Variants in LRIF1 observed in about 807,000 individuals in gnomAD.
LRIF1 encodes ligand dependent nuclear receptor interacting factor 1.
LRIF1 carries 32 observed loss-of-function variants against 52.7 expected under a neutral mutation model. That is an observed-to-expected ratio of 0.61 (90% CI 0.46 to 0.82). The LOEUF is 0.82. Among genes scored for constraint, LRIF1 ranks in the 40% least tolerant of loss-of-function variants. LRIF1 has a pLI of 0.00. For missense variants in LRIF1, 887 were observed against 892.0 expected, an observed-to-expected ratio of 0.99 and a Z score of 0.07; for synonymous variants, 323 against 317.4, an observed-to-expected ratio of 1.02 and a Z score of -0.19.
chr1:110,947,474 A>T lies in LRIF1; in HGVS notation c.*485T>A, dbSNP rs1169801464. ...CATATTATTTCACGACATTAAAAAA[A>T]ACAATGGTGAATACAAGGTATCATC... On this transcript the variant is annotated 3_prime_UTR_variant, in exon 4 of 4. Transcript: ENST00000369763. The T allele has an allele frequency of 6.6e-6, 1 of 152,432 alleles. No individual in the cohort carries two copies. The highest frequency in any genetic ancestry group is 1.5e-5 in the Non-Finnish European group (1 of 68,202). 9.4% of individuals were successfully genotyped at this position (152,432 alleles called of 1,614,324 possible). A position where few individuals can be genotyped will look rare whatever the true frequency, so the allele number is the denominator to read the frequency against.
chr1:110,949,475 A>C (rs1658368089), intron 3 of LRIF1, among the ~76,000 whole-genome samples: 1 of 149,144 alleles, frequency 6.7e-6, no homozygotes, highest in Non-Finnish European at 1.5e-5. Context: ...GCTGGAGTGC[A>C]ATGGTGCGAT....
chr1:110,885,182 T>C, the LRIF1 span, among the ~76,000 whole-genome samples: 13 of 152,328 alleles, frequency 8.5e-5, no homozygotes, highest in African/African-American at 2.9e-4. Flanking sequence ...ATTATTATCA[T>C]AAAGTTTACT....
the LRIF1 span, chr1:110,892,833 G>A: frequency 3.9e-6 from 1 of 254,340 alleles, no homozygotes; most frequent in Admixed American, 4.9e-5. Flanking sequence ...ATGTCTGGAT[G>A]AAATCAGGTG....
chr1:110,906,936 T>A, the LRIF1 span, among the ~76,000 whole-genome samples: 1 of 152,246 alleles, frequency 6.6e-6, no homozygotes, highest in East Asian at 1.9e-4. Context: ...ATTTTAAGGT[T>A]ATTACAATAG....
At chr1:110,880,583 T>C in the LRIF1 span, among the ~76,000 whole-genome samples, 1 of 152,158 alleles carries the variant, frequency 6.6e-6, no homozygotes, top group Admixed American at 6.5e-5. Context: ...TTCCTTTCTG[T>C]TACTGATGGG....
downstream of LRIF1, among the ~76,000 whole-genome samples, chr1:110,943,107 T>C (rs1310513594): frequency 7.9e-5 from 12 of 152,086 alleles, no homozygotes; most frequent in Admixed American, 5.9e-4. Context: ...GAAGAACAAA[T>C]TGCAGTGAAG....
intron 1 of LRIF1, among the ~76,000 whole-genome samples, chr1:110,958,886 C>T (rs936376554): frequency 6.6e-6 from 1 of 152,098 alleles, no homozygotes; most frequent in Non-Finnish European, 1.5e-5. Context: ...TTCTTGGCAA[C>T]AAAATGTAAT....
In LRIF1 at chr1:110,952,287, T is replaced by A. The variant is rs762176884; in HGVS notation, c.597A>T (p.Ser199=). ...AHAEVKSVPA[S]SLPPSVQQKI... is the part of the protein sequence containing the mutation. ...TTTGCTGCACTGAAGGAGGCAATGA[T>A]GACGCTGGTACAGATTTCACTTCAG... The change falls in exon 2 of 4, where the codon TCA becomes TCT. Residue 199 remains serine, a synonymous_variant. Coordinates refer to ENST00000369763, the MANE Select transcript of LRIF1 (RefSeq NM_018372.4). The A allele has an allele frequency of 1.2e-6, 2 of 1,614,184 alleles. No individual in the cohort carries two copies. Among genetic ancestry groups the A allele is most frequent in the Non-Finnish European group, 8.5e-7 (1 of 1,180,024 alleles).
chr1:110,963,384 GA>G (rs1659047706), intron 1 of LRIF1: 1 of 329,584 alleles, frequency 3.0e-6, no homozygotes, highest in South Asian at 7.3e-5. Context: ...TATTAAACTT[GA>G]GACGCTGGGG....
the LRIF1 span, among the ~76,000 whole-genome samples, chr1:110,880,946 G>T: frequency 6.6e-6 from 1 of 152,118 alleles, no homozygotes; most frequent in Non-Finnish European, 1.5e-5. Context: ...TAACTAACCA[G>T]AATAAGAGGC....
the LRIF1 span, chr1:110,892,319 G>A: frequency 2.5e-6 from 4 of 1,593,448 alleles, no homozygotes; most frequent in Non-Finnish European, 2.6e-6. Context: ...TTTTGCTTCA[G>A]GATGTTGTGG....
chr1:110,930,670 G>T, the LRIF1 span, among the ~76,000 whole-genome samples: 1 of 152,072 alleles, frequency 6.6e-6, no homozygotes, highest in South Asian at 2.1e-4. Flanking sequence ...GGGGGTTAAT[G>T]CTTCAATCTA....
rs1325203712 is a variant in LRIF1, at chr1:110,948,238, T to C, written c.2031A>G (p.Gln677=). 1.2e-6 allele frequency: 2 copies of C among 1,614,012 alleles called. No individual in the cohort carries two copies. Among genetic ancestry groups the C allele is most frequent in the African/African-American group, 1.3e-5 (1 of 74,922 alleles). Residue 677 remains glutamine, a synonymous_variant, in exon 4 of 4, where the codon CAA becomes CAG. Transcript: ENST00000369763. ...SSILPTSDVS[Q]HNILTSHSKT... The stretch of plus-strand genomic sequence containing the variant: ...TGCTGTGACTCGTGAGAATGTTATG[T>C]TGTGACACATCTGAAGTTGGTAAAA...
chr1:110,909,573 CTTTTTTTTTTTTTTT>C, the LRIF1 span, among the ~76,000 whole-genome samples: 1 of 77,978 alleles, frequency 1.3e-5, no homozygotes, highest in Non-Finnish European at 2.4e-5. Context: ...GCAGGGGTAG[CTTTTTTTTTTTTTTT>C]TTTTTTTTTG....
the LRIF1 span, among the ~76,000 whole-genome samples, chr1:110,920,947 C>T: frequency 6.6e-6 from 1 of 151,934 alleles, no homozygotes; most frequent in Admixed American, 6.6e-5. Context: ...AGGAGAAATT[C>T]TAAAAGATAT....
At chr1:110,918,846 C>G in the LRIF1 span, among the ~76,000 whole-genome samples, 2 of 152,152 alleles carry the variant, frequency 1.3e-5, no homozygotes, top group Admixed American at 1.3e-4. Flanking sequence ...ACTACACACT[C>G]AGATTAAGAG....
At chr1:110,923,337 A>C in the LRIF1 span, among the ~76,000 whole-genome samples, 1 of 152,068 alleles carries the variant, frequency 6.6e-6, no homozygotes, top group African/African-American at 2.4e-5. Flanking sequence ...TACCATATCA[A>C]CAAAGTTTCT....
chr1:110,930,068 A>T, the LRIF1 span, among the ~76,000 whole-genome samples: 1 of 152,182 alleles, frequency 6.6e-6, no homozygotes, highest in Non-Finnish European at 1.5e-5. Flanking sequence ...ACTAAACTAC[A>T]GACCTTATTT....
At chr1:110,877,865 G>A in the LRIF1 span, among the ~76,000 whole-genome samples, 3 of 152,188 alleles carry the variant, frequency 2.0e-5, no homozygotes, top group Non-Finnish European at 2.9e-5. Flanking sequence ...TCAAAAGGAC[G>A]TACAGCGATA....
Sources: gnomAD v4.1 joint callset for allele counts (sites outside exome capture counted in the v4.1 genomes callset) on GRCh38, gnomAD v4.1.1 for gene constraint, MANE v1.5 for transcripts, NCBI Gene and HGNC (gene_info 2026-07-23, HGNC 2026-07-21) for gene names.